RBFOX1: variants seen among roughly 807,000 people sequenced by gnomAD.
The protein encoded by RBFOX1 is RNA binding protein fox-1 homolog 1.
RBFOX1 carries 8 observed loss-of-function variants against 57.7 expected under a neutral mutation model. The observed-to-expected ratio is 0.14, with a 90% CI of 0.08 to 0.25. The LOEUF is 0.25. Among genes scored for constraint, RBFOX1 ranks in the 10% least tolerant of loss-of-function variants. RBFOX1 has a pLI of 1.00. For missense variants in RBFOX1, 611 were observed against 548.5 expected (o/e 1.11, Z -1.14); for synonymous variants, 326 against 222.4 (o/e 1.47, Z -4.15).
At chr16:7,154,729 G>C (rs1459795089) in intron 4 of RBFOX1, among the ~76,000 whole-genome samples, 1 of 111,348 alleles carries the variant, frequency 9.0e-6, no homozygotes, top group Non-Finnish European at 1.9e-5. Context: ...GTGTGTGTGT[G>C]TGTGAATATT....
intron 3 of RBFOX1, among the ~76,000 whole-genome samples, chr16:6,796,568 T>C (rs1387627363): frequency 6.6e-6 from 1 of 152,216 alleles, no homozygotes; most frequent in African/African-American, 2.4e-5. Context: ...ATTTCATTTA[T>C]CTACTTCCTT....
At chr16:5,571,215 C>CTTTTTTTTTTTT (rs34409151) in intron 2 of RBFOX1, among the ~76,000 whole-genome samples, 7 of 79,828 alleles carry the variant, frequency 8.8e-5, no homozygotes, top group East Asian at 4.1e-4. Flanking sequence ...CCATCTTTGA[C>CTTTTTTTTTTTT]TTTTTTTTTT....
At chr16:5,296,587 T>C (rs924472176) in intron 1 of RBFOX1, among the ~76,000 whole-genome samples, 6 of 151,666 alleles carry the variant, frequency 4.0e-5, no homozygotes, top group Admixed American at 3.9e-4. Flanking sequence ...TTTTTAACAA[T>C]AGAGCTCTTG....
At chr16:6,919,227 C>G (rs184398802) in intron 3 of RBFOX1, among the ~76,000 whole-genome samples, 3 of 152,040 alleles carry the variant, frequency 2.0e-5, no homozygotes, top group Non-Finnish European at 4.4e-5. Flanking sequence ...AGGTGATCCG[C>G]CCGCCTCAGC....
chr16:5,483,006 T>C (rs964625655), intron 2 of RBFOX1, among the ~76,000 whole-genome samples: 1 of 152,224 alleles, frequency 6.6e-6, no homozygotes, highest in Non-Finnish European at 1.5e-5. Context: ...ATAGGACAGA[T>C]ACAAACTGTC....
At chr16:5,472,628 C>T (rs1377912297) in intron 2 of RBFOX1, among the ~76,000 whole-genome samples, 2 of 152,066 alleles carry the variant, frequency 1.3e-5, no homozygotes, top group Admixed American at 6.6e-5. Context: ...TCTGTGCTGC[C>T]CTCCTGGACT....
intron 4 of RBFOX1, among the ~76,000 whole-genome samples, chr16:7,246,436 C>T (rs1023942405): frequency 1.3e-5 from 2 of 152,118 alleles, no homozygotes; most frequent in African/African-American, 2.4e-5. Context: ...TAGTGGCCTC[C>T]TGTTGAAAGC....
chr16:6,994,333 G>C (rs1441365851), intron 3 of RBFOX1, among the ~76,000 whole-genome samples: 1 of 152,172 alleles, frequency 6.6e-6, no homozygotes, highest in Non-Finnish European at 1.5e-5. Context: ...AGTGTCTAGA[G>C]TCTAATGATC....
intron 3 of RBFOX1, among the ~76,000 whole-genome samples, chr16:6,984,104 G>T (rs532039582): frequency 6.6e-6 from 1 of 152,084 alleles, no homozygotes; most frequent in African/African-American, 2.4e-5. Flanking sequence ...GAAATTAGCC[G>T]AGTATGATGG....
At chr16:7,639,466 T>C (rs2062383435) in intron 11 of RBFOX1, among the ~76,000 whole-genome samples, 1 of 152,220 alleles carries the variant, frequency 6.6e-6, no homozygotes, top group Non-Finnish European at 1.5e-5. Context: ...AAGGTGTTAC[T>C]TCATTCAACC....
chr16:6,912,664 G>T (rs2071978017), intron 3 of RBFOX1, among the ~76,000 whole-genome samples: 1 of 151,248 alleles, frequency 6.6e-6, no homozygotes, highest in Non-Finnish European at 1.5e-5. Context: ...CATCCAGGCT[G>T]GAGTACAGTG....
intron 1 of RBFOX1, among the ~76,000 whole-genome samples, chr16:5,437,930 T>A (rs537392996): frequency 1.9e-3 from 295 of 152,324 alleles, no homozygotes; most frequent in Non-Finnish European, 3.5e-3. Flanking sequence ...GTGTGTATAT[T>A]TTTCCTTCTA....
At chr16:5,626,559 CAA>C (rs1157067678) in intron 3 of RBFOX1, among the ~76,000 whole-genome samples, 1 of 152,106 alleles carries the variant, frequency 6.6e-6, no homozygotes, top group Non-Finnish European at 1.5e-5. Context: ...GGACCCTAAC[CAA>C]AAAGATCCTG....
rs571349635 is a variant in RBFOX1 at position 7,516,749 on chromosome 16, T to A, written c.28-1398T>A. ...TGTTTAAACTTATCCTAAGCTTAGT[T>A]CTCTTCCAAGTGTCATCTTTAACAT... On this transcript the variant is annotated intron_variant, in intron 4 of 15. Transcript: ENST00000550418. Among the ~76,000 whole-genome samples the A allele has an allele frequency of 7.5e-4, 114 of 152,322 alleles. 1 individual carries two copies. The highest frequency in any genetic ancestry group is 2.7e-3 in the African/African-American group (112 of 41,566).
chr16:7,182,348 C>T (rs777996507), intron 4 of RBFOX1, among the ~76,000 whole-genome samples: 6 of 152,190 alleles, frequency 3.9e-5, no homozygotes, highest in Non-Finnish European at 7.3e-5. Context: ...TAAAAAGCAT[C>T]TTCCATTCTT....
At chr16:6,459,109 G>A in intron 2 of RBFOX1, among the ~76,000 whole-genome samples, 1 of 152,212 alleles carries the variant, frequency 6.6e-6, no homozygotes, top group East Asian at 1.9e-4. Context: ...GCCAAGGTGG[G>A]TGGATCCCGA....
chr16:6,076,382 A>G (rs1178829641), intron 1 of RBFOX1, among the ~76,000 whole-genome samples: 1 of 151,654 alleles, frequency 6.6e-6, no homozygotes, highest in Non-Finnish European at 1.5e-5. Context: ...TGGGTTACAT[A>G]TGCTTTTTAA....
intron 4 of RBFOX1, among the ~76,000 whole-genome samples, chr16:6,011,323 T>G (rs1423434796): frequency 6.6e-6 from 1 of 152,240 alleles, no homozygotes; most frequent in Non-Finnish European, 1.5e-5. Context: ...TAAAACAGCC[T>G]TTGTTTTTAC....
At chr16:6,524,891 T>G (rs2096557822) in intron 2 of RBFOX1, among the ~76,000 whole-genome samples, 1 of 152,210 alleles carries the variant, frequency 6.6e-6, no homozygotes. Context: ...CACCATTCCC[T>G]GGATTTAGGG....
Sources: allele counts gnomAD v4.1 joint callset (sites outside exome capture counted in the v4.1 genomes callset), GRCh38; gene constraint gnomAD v4.1.1; transcripts MANE v1.5; gene names NCBI Gene and HGNC (gene_info 2026-07-23, HGNC 2026-07-21).